H2BN1: variants seen among roughly 807,000 people sequenced by gnomAD.
The protein encoded by H2BN1 is H2B.N variant histone 1.
chr17:32,904,631 G>T, the H2BN1 span, among the ~76,000 whole-genome samples: 1 of 152,190 alleles, frequency 6.6e-6, no homozygotes, highest in Non-Finnish European at 1.5e-5. Context: ...CCCAAAAGGG[G>T]TGACTAGAAC....
At chr17:32,899,102 T>C in the H2BN1 span, among the ~76,000 whole-genome samples, 1 of 152,224 alleles carries the variant, frequency 6.6e-6, no homozygotes. Context: ...TACCATAGTT[T>C]TTGAAATATA....
At chr17:32,902,158 TCTTA>T in the H2BN1 span, among the ~76,000 whole-genome samples, 4 of 152,172 alleles carry the variant, frequency 2.6e-5, no homozygotes, top group Non-Finnish European at 5.9e-5. Context: ...TTCACATCTT[TCTTA>T]CTTCTGGGTT....
chr17:32,903,933 G>C, the H2BN1 span, among the ~76,000 whole-genome samples: 1 of 152,150 alleles, frequency 6.6e-6, no homozygotes, highest in South Asian at 2.1e-4. Context: ...CTTGTGGCCA[G>C]ACTCCACAAT....
chr17:32,901,225 T>A, the H2BN1 span, among the ~76,000 whole-genome samples: 28 of 152,174 alleles, frequency 1.8e-4, no homozygotes, highest in East Asian at 4.6e-3. Flanking sequence ...TTTTTTTTTT[T>A]AAATCTTGAC....
At chr17:32,895,791 G>A in the H2BN1 span, among the ~76,000 whole-genome samples, 2 of 152,132 alleles carry the variant, frequency 1.3e-5, no homozygotes, top group Non-Finnish European at 2.9e-5. Flanking sequence ...GTCTTCTCTC[G>A]CTTCGTTTTC....
the H2BN1 span, among the ~76,000 whole-genome samples, chr17:32,895,984 A>G: frequency 6.6e-6 from 1 of 152,066 alleles, no homozygotes; most frequent in Non-Finnish European, 1.5e-5. Flanking sequence ...TGCAGCCTCC[A>G]TCTCCTGGGC....
chr17:32,906,152 CT>C, the H2BN1 span: 1 of 152,166 alleles, frequency 6.6e-6, no homozygotes, highest in African/African-American at 2.4e-5. Context: ...TGTGGGAAGC[CT>C]TTACTTCTGT....
At chr17:32,899,475 G>A in the H2BN1 span, among the ~76,000 whole-genome samples, 1 of 152,122 alleles carries the variant, frequency 6.6e-6, no homozygotes, top group East Asian at 1.9e-4. Context: ...CAAGGTATGA[G>A]GCCAGTTTTC....
chr17:32,897,351 T>A, the H2BN1 span, among the ~76,000 whole-genome samples: 1 of 99,978 alleles, frequency 1.0e-5, no homozygotes, highest in Admixed American at 1.1e-4. Flanking sequence ...CCCCTCTCTC[T>A]CTGTCTTACA....
At chr17:32,902,535 A>G in the H2BN1 span, among the ~76,000 whole-genome samples, 1 of 152,184 alleles carries the variant, frequency 6.6e-6, no homozygotes, top group Non-Finnish European at 1.5e-5. Flanking sequence ...GAATATCAAT[A>G]TCTTATTAAA....
At chr17:32,895,739 T>C in the H2BN1 span, among the ~76,000 whole-genome samples, 1 of 152,208 alleles carries the variant, frequency 6.6e-6, no homozygotes, top group South Asian at 2.1e-4. Flanking sequence ...TGAAAAGTTA[T>C]GTGCCAACAG....
chr17:32,904,122 G>A, the H2BN1 span, among the ~76,000 whole-genome samples: 1 of 152,092 alleles, frequency 6.6e-6, no homozygotes, highest in Non-Finnish European at 1.5e-5. Context: ...TGTATGTCAT[G>A]GGGGTCAACC....
chr17:32,897,999 A>G, the H2BN1 span, among the ~76,000 whole-genome samples: 2 of 152,212 alleles, frequency 1.3e-5, no homozygotes, highest in African/African-American at 4.8e-5. Flanking sequence ...AGTGACTGGA[A>G]TTAGTCTGTG....
the H2BN1 span, among the ~76,000 whole-genome samples, chr17:32,902,839 C>CAA: frequency 6.9e-6 from 1 of 144,534 alleles, no homozygotes; most frequent in Non-Finnish European, 1.5e-5. Flanking sequence ...GACTCCATCT[C>CAA]AAAAAAAAAA....
chr17:32,897,025 A>G, the H2BN1 span, among the ~76,000 whole-genome samples: 1 of 152,140 alleles, frequency 6.6e-6, no homozygotes, highest in Non-Finnish European at 1.5e-5. Context: ...CTGGCAGGCC[A>G]CCTTGTACCT....
the H2BN1 span, among the ~76,000 whole-genome samples, chr17:32,901,481 A>G: frequency 6.6e-6 from 1 of 152,120 alleles, no homozygotes; most frequent in South Asian, 2.1e-4. Flanking sequence ...AATAATTTTA[A>G]TTTCTGGCCC....
the H2BN1 span, among the ~76,000 whole-genome samples, chr17:32,900,299 A>C: frequency 1.3e-5 from 2 of 152,364 alleles, no homozygotes; most frequent in East Asian, 3.9e-4. Flanking sequence ...AATTCAAACT[A>C]GGACTTTTGG....
At chr17:32,902,446 G>A in the H2BN1 span, among the ~76,000 whole-genome samples, 11 of 152,154 alleles carry the variant, frequency 7.2e-5, no homozygotes, top group Admixed American at 1.3e-4. Flanking sequence ...CTTACTGCCT[G>A]TAGACTAGAC....
chr17:32,901,680 A>G, the H2BN1 span, among the ~76,000 whole-genome samples: 2 of 152,202 alleles, frequency 1.3e-5, no homozygotes, highest in African/African-American at 4.8e-5. Context: ...TGAGCTGAAA[A>G]TGAGTTGAAG....
Sources: allele counts gnomAD v4.1 joint callset (sites outside exome capture counted in the v4.1 genomes callset), GRCh38; gene constraint gnomAD v4.1.1; transcripts MANE v1.5; gene names NCBI Gene and HGNC (gene_info 2026-07-23, HGNC 2026-07-21).